The following TTC12 variants were observed in gnomAD, a reference collection of about 807,000 sequenced individuals.
TTC12 encodes tetratricopeptide repeat domain 12.
A neutral mutation model predicts 90.1 loss-of-function variants in TTC12; 70 were observed. That is an observed-to-expected ratio of 0.78 (90% CI 0.64 to 0.95). The LOEUF (loss-of-function observed/expected upper bound fraction) is 0.95. Ranked by LOEUF, TTC12 falls within the 40% of genes least tolerant of loss-of-function variation. The pLI is 0.00. For missense variants in TTC12, 819 were observed against 846.1 expected (o/e 0.97, Z 0.40); for synonymous variants, 296 against 311.5 (o/e 0.95, Z 0.53).
chr11:113,321,484 T>C (rs1472358118), intron 2 of TTC12, among the ~76,000 whole-genome samples: 1 of 152,226 alleles, frequency 6.6e-6, no homozygotes, highest in African/African-American at 2.4e-5. Context: ...GAACCATGTG[T>C]ATCAAGAACA....
chr11:113,336,778 G>A (rs565478425), intron 8 of TTC12, among the ~76,000 whole-genome samples: 1 of 152,306 alleles, frequency 6.6e-6, no homozygotes, highest in South Asian at 2.1e-4. Flanking sequence ...GTTGAGAAGT[G>A]AGAGCCTTCA....
intron 13 of TTC12, among the ~76,000 whole-genome samples, chr11:113,347,034 G>C (rs1332533909): frequency 3.3e-5 from 5 of 152,184 alleles, no homozygotes; most frequent in Admixed American, 3.3e-4. Context: ...AGTCCAGTTA[G>C]GATGTGTGCA....
chr11:113,355,488 T>A (rs1475829425), intron 16 of TTC12, among the ~76,000 whole-genome samples: 2 of 152,222 alleles, frequency 1.3e-5, no homozygotes, highest in Non-Finnish European at 2.9e-5. Flanking sequence ...TTTCTTGTCT[T>A]CTGCTAGCTT....
At chr11:113,363,213 A>AG (rs1440330624) in intron 19 of TTC12, among the ~76,000 whole-genome samples, 1 of 152,224 alleles carries the variant, frequency 6.6e-6, no homozygotes, top group Non-Finnish European at 1.5e-5. Context: ...GGGGCAGCAC[A>AG]GGGGGTCTGA....
rs1194978610 is a variant in TTC12 at position 113,341,664 on chromosome 11, G to C, written c.897-173G>C. On this transcript the variant is annotated intron_variant, in intron 11 of 21. Transcript: ENST00000529221. ...CTGGCTTCCTCAGTCTGCATCCGTG[G>C]CCTGGGACTCATGGTTCCGTGATTG... 3 of 613,890 alleles carry C rather than the reference G, an allele frequency of 4.9e-6. No individual in the cohort carries two copies. In the African/African-American group the frequency reaches 5.5e-5, roughly 11 times the overall value. The allele number at this position is 613,890 out of a possible 1,614,324, so 38.0% of individuals were successfully genotyped here.
chr11:113,356,560 G>C (rs1416428694), intron 16 of TTC12, among the ~76,000 whole-genome samples: 1 of 152,180 alleles, frequency 6.6e-6, no homozygotes, highest in African/African-American at 2.4e-5. Context: ...ACTTCAGTGT[G>C]TGTTTGTAGA....
At chr11:113,329,474 C>T (rs1211444767) in intron 6 of TTC12, among the ~76,000 whole-genome samples, 1 of 152,188 alleles carries the variant, frequency 6.6e-6, no homozygotes, top group East Asian at 1.9e-4. Flanking sequence ...CTTCCATTTG[C>T]ATTCAGCCAA....
intron 7 of TTC12, among the ~76,000 whole-genome samples, chr11:113,332,868 A>G (rs1057136220): frequency 6.6e-6 from 1 of 152,166 alleles, no homozygotes; most frequent in Non-Finnish European, 1.5e-5. Context: ...CATGTCTTTC[A>G]GGTATCTAGG....
At chr11:113,368,427 G>A (rs1463014219), downstream of TTC12, 1 of 1,550,368 alleles carries the variant, frequency 6.5e-7, no homozygotes, top group Admixed American at 2.0e-5. Flanking sequence ...CTTGCCAGGA[G>A]CCCCGACACC....
chr11:113,363,984 G>A, intron 20 of TTC12, 57 bp downstream of exon 20: 1 of 1,210,624 alleles, frequency 8.3e-7, no homozygotes, highest in Non-Finnish European at 1.2e-6. Context: ...CACCCTTGAA[G>A]CTGCAAAGGG....
In TTC12 at chr11:113,364,934, C is replaced by T. The variant is rs201618097; in HGVS notation, c.1916C>T (p.Ala639Val). 26 of 1,614,136 alleles carry T rather than the reference C, an allele frequency of 1.6e-5. No homozygotes were observed. The highest frequency in any genetic ancestry group is 2.0e-5 in the Non-Finnish European group (24 of 1,180,028). ...LGNCMEVPNV[A>V]SSLLKTDLLQ... The stretch of plus-strand genomic sequence containing the variant: ...AACTGCATGGAGGTGCCCAACGTTG[C>T]GTCTTCCCTGCTAAAGACGGACCTT... Residue 639 changes from alanine (A) to valine (V), a missense_variant, in exon 21 of 22, where the codon GCG (alanine) becomes GTG (valine). By Grantham distance (64) the Ala-to-Val change is moderately conservative. Transcript: ENST00000529221.
At chr11:113,339,161 A>G (rs1948542656) in intron 9 of TTC12, 125 bp from the exon 10 acceptor site, 1 of 788,766 alleles carries the variant, frequency 1.3e-6, no homozygotes, top group South Asian at 2.0e-5. Context: ...AAGAGTTTTA[A>G]TTATTTTAAT....
intron 13 of TTC12, among the ~76,000 whole-genome samples, chr11:113,348,146 T>C (rs535324087): frequency 6.6e-6 from 1 of 152,346 alleles, no homozygotes; most frequent in South Asian, 2.1e-4. Flanking sequence ...CTTCTGCCAC[T>C]GGACATCTCT....
chr11:113,364,725 T>A (rs1453786195), intron 20 of TTC12, 110 bp from the exon 21 acceptor site: 1 of 802,540 alleles, frequency 1.2e-6, no homozygotes, highest in Non-Finnish European at 2.1e-6. Flanking sequence ...GCAGAGTTAC[T>A]GGGGAAGCTC....
At chr11:113,361,065 C>T (rs375751072) in intron 18 of TTC12, among the ~76,000 whole-genome samples, 22 of 152,296 alleles carry the variant, frequency 1.4e-4, no homozygotes, top group Admixed American at 5.2e-4. Context: ...TTGTGTGCCA[C>T]GTTGGGTGCT....
intron 16 of TTC12, among the ~76,000 whole-genome samples, chr11:113,352,949 A>G (rs925598132): frequency 8.5e-5 from 13 of 152,182 alleles, no homozygotes; most frequent in Non-Finnish European, 1.9e-4. Flanking sequence ...AAAGATTTCT[A>G]TTCCTTTGGG....
chr11:113,323,351 CAGAAAAG>C lies in TTC12; in HGVS notation c.126_132del (p.Glu42AspfsTer18), dbSNP rs1555139408. 1 of 1,612,932 alleles carries C rather than the reference CAGAAAAG, an allele frequency of 6.2e-7. No homozygotes were observed. Among genetic ancestry groups the C allele is most frequent in the South Asian group, 1.1e-5 (1 of 90,894 alleles). On this transcript the variant is annotated frameshift_variant, in exon 3 of 22. Transcript: ENST00000529221. LOFTEE classifies it high-confidence loss of function. ...GTGCAACAGAAAGCTGTCCTGGAGACAGAAAAGAGACTACTGCTTATGGAGGAAGACC... is the reference window on the plus strand; with the variant it reads ...GTGCAACAGAAAGCTGTCCTGGAGACAGACTACTGCTTATGGAGGAAGACC...
At position 113,340,747 on chromosome 11, in the gene TTC12, T is replaced by G; in HGVS notation, c.896+14T>G. 6.2e-7 allele frequency: 1 copy of G among 1,605,756 alleles called. No homozygotes were observed. Among genetic ancestry groups the G allele is most frequent in the South Asian group, 1.1e-5 (1 of 90,902 alleles). ...GGTCATAAGAAGGTAGGGATGTTCA[T>G]AGAGACAGCCCAGCAGCAAAGCAAG... On this transcript the variant is annotated intron_variant, in intron 11 of 21. Coordinates refer to ENST00000529221, the MANE Select transcript of TTC12 (RefSeq NM_017868.4).
chr11:113,359,774 G>T (rs1179111727), intron 17 of TTC12, among the ~76,000 whole-genome samples, 166 bp from the exon 18 acceptor site: 1 of 152,234 alleles, frequency 6.6e-6, no homozygotes, highest in African/African-American at 2.4e-5. Context: ...GGAGTTAGGG[G>T]AGACAGACAT....
Sources: gnomAD v4.1 joint callset for allele counts (sites outside exome capture counted in the v4.1 genomes callset) on GRCh38, gnomAD v4.1.1 for gene constraint, MANE v1.5 for transcripts, NCBI Gene and HGNC (gene_info 2026-07-23, HGNC 2026-07-21) for gene names.